The following EYA2 variants were observed in gnomAD, a reference collection of about 807,000 sequenced individuals.
EYA2 encodes the protein protein phosphatase EYA2.
Under a neutral mutation model 69.2 loss-of-function variants are expected in EYA2, and 31 were observed. The ratio of observed to expected loss-of-function variants is 0.45; its 90% CI spans 0.34 to 0.60. EYA2 has a LOEUF of 0.60. Ranked by LOEUF, EYA2 falls within the 20% of genes least tolerant of loss-of-function variation. The pLI is 0.02. For synonymous variants in EYA2, 257 were observed against 279.4 expected (o/e 0.92, Z 0.80); for missense variants, 622 against 701.2 (o/e 0.89, Z 1.28).
intron 1 of EYA2, among the ~76,000 whole-genome samples, chr20:46,903,171 G>A (rs1568659516): frequency 3.3e-5 from 5 of 152,178 alleles, no homozygotes; most frequent in Non-Finnish European, 4.4e-5. Flanking sequence ...CAGCATCTCC[G>A]GTAGGAGGAT....
rs2034367175 is a variant in EYA2 at position 47,173,507 on chromosome 20, C to CA, written c.1198+640_1198+641insA. On this transcript the variant is annotated intron_variant, in intron 12 of 15. Coordinates refer to ENST00000327619, the MANE Select transcript of EYA2 (RefSeq NM_005244.5). Reference sequence around the variant, plus strand: ...CAGCCTGGGCAACAAAGTGAGACCCCGTAAAAAAAAAAAAAAAAAAAAAAA... The same window carrying CA: ...CAGCCTGGGCAACAAAGTGAGACCCCAGTAAAAAAAAAAAAAAAAAAAAAAA... 1.4e-4 allele frequency among the ~76,000 whole-genome samples: 6 copies of CA among 44,362 alleles called. No individual in the cohort carries two copies. In the East Asian group the frequency reaches 1.8e-3, roughly 13 times the overall value. 29.1% of individuals were successfully genotyped at this position (44,362 alleles called of 152,430 possible).
chr20:46,939,061 C>A (rs1419212194), intron 1 of EYA2, among the ~76,000 whole-genome samples: 1 of 152,154 alleles, frequency 6.6e-6, no homozygotes, highest in Non-Finnish European at 1.5e-5. Flanking sequence ...GGGAAACACT[C>A]CTTCCCCACT....
chr20:47,170,765 TACC>T (rs1159892415), intron 11 of EYA2, among the ~76,000 whole-genome samples: 1 of 152,248 alleles, frequency 6.6e-6, no homozygotes, highest in South Asian at 2.1e-4. Flanking sequence ...CATCCAAAAT[TACC>T]ACAATTCAAC....
chr20:47,007,720 A>G (rs536736708), intron 4 of EYA2, among the ~76,000 whole-genome samples: 2 of 151,970 alleles, frequency 1.3e-5, no homozygotes, highest in East Asian at 1.9e-4. Context: ...GGCTCAAGCA[A>G]TCCTCCTCCC....
At chr20:47,034,818 G>A (rs192421027) in intron 5 of EYA2, among the ~76,000 whole-genome samples, 4 of 152,324 alleles carry the variant, frequency 2.6e-5, no homozygotes, top group African/African-American at 2.4e-5. Context: ...AGCTCAGAGG[G>A]AGACTGTCCC....
intron 5 of EYA2, among the ~76,000 whole-genome samples, chr20:47,057,510 A>ACC (rs796462817): frequency 0.012 from 1,101 of 94,726 alleles, 39 homozygotes; most frequent in African/African-American, 0.016. Context: ...TTTTTATATC[A>ACC]CCCCCCCCCC....
At chr20:47,039,897 A>G (rs1469794406) in intron 5 of EYA2, among the ~76,000 whole-genome samples, 3 of 123,816 alleles carry the variant, frequency 2.4e-5, no homozygotes, top group Non-Finnish European at 3.2e-5. Context: ...CTGGAGTGCA[A>G]TGGTGCGATC....
At chr20:47,001,552 C>A in intron 3 of EYA2, 79 bp downstream of exon 3, 1 of 1,439,196 alleles carries the variant, frequency 6.9e-7, no homozygotes, top group Non-Finnish European at 9.8e-7. Flanking sequence ...AGAGAGAGGG[C>A]CCTGGAGCCA....
At chr20:46,991,968 C>CAAA (rs36163121) in intron 2 of EYA2, among the ~76,000 whole-genome samples, 2,782 of 79,202 alleles carry the variant, frequency 0.035, 329 homozygotes, top group East Asian at 0.27. Flanking sequence ...GACTCCGTCT[C>CAAA]AAAAAAAAAA....
At chr20:46,983,156 G>C (rs1231336959) in intron 1 of EYA2, among the ~76,000 whole-genome samples, 1 of 152,100 alleles carries the variant, frequency 6.6e-6, no homozygotes, top group African/African-American at 2.4e-5. Flanking sequence ...TATCACAGTT[G>C]CTAGGGACTC....
At chr20:46,923,138 C>T (rs558089888) in intron 1 of EYA2, among the ~76,000 whole-genome samples, 9 of 152,258 alleles carry the variant, frequency 5.9e-5, no homozygotes, top group Non-Finnish European at 1.2e-4. Flanking sequence ...GAGGCTGAGG[C>T]GGGCGGATCA....
chr20:47,128,701 C>T (rs1213034357), intron 9 of EYA2, among the ~76,000 whole-genome samples: 2 of 152,168 alleles, frequency 1.3e-5, no homozygotes, highest in East Asian at 3.8e-4. Flanking sequence ...CACTTATTGG[C>T]AGCGTGACCT....
At position 46,995,638 on chromosome 20, in the gene EYA2, G is replaced by A. The variant is rs58361435; in HGVS notation, c.109+5519G>A. On this transcript the variant is annotated intron_variant, in intron 2 of 15. Coordinates refer to ENST00000327619, the MANE Select transcript of EYA2 (RefSeq NM_005244.5). ...GCAGAGACCTGCCTGGAGACATCTC[G>A]CTGGCACTACAAATTGTCTCATCTC... Among the ~76,000 whole-genome samples, 508 of 152,320 alleles carry A rather than the reference G, an allele frequency of 3.3e-3. 1 individual carries two copies. Among genetic ancestry groups the A allele is most frequent in the African/African-American group, 0.012 (488 of 41,566 alleles).
chr20:46,980,409 CGG>C (rs1221455949), intron 1 of EYA2, among the ~76,000 whole-genome samples: 1 of 152,094 alleles, frequency 6.6e-6, no homozygotes, highest in Admixed American at 6.5e-5. Context: ...AATAATAAAA[CGG>C]TGTGGTTCGT....
chr20:47,001,890 C>T (rs1271274044), intron 3 of EYA2, among the ~76,000 whole-genome samples: 1 of 150,480 alleles, frequency 6.6e-6, no homozygotes, highest in East Asian at 2.0e-4. Context: ...CTTTCTTTCT[C>T]CTTTCCTCAT....
At chr20:46,991,565 T>C (rs1396887620) in intron 2 of EYA2, among the ~76,000 whole-genome samples, 1 of 152,216 alleles carries the variant, frequency 6.6e-6, no homozygotes, top group Admixed American at 6.5e-5. Flanking sequence ...CACAGCCACA[T>C]CTGGCCCTGA....
intron 5 of EYA2, among the ~76,000 whole-genome samples, chr20:47,061,768 G>A (rs1281141434): frequency 6.6e-6 from 1 of 152,138 alleles, no homozygotes; most frequent in East Asian, 1.9e-4. Context: ...GGCGAGTTTG[G>A]GACTGTTGCA....
chr20:47,054,354 T>C (rs1413826213), intron 5 of EYA2, among the ~76,000 whole-genome samples: 1 of 152,220 alleles, frequency 6.6e-6, no homozygotes, highest in African/African-American at 2.4e-5. Flanking sequence ...GTCTCATTCA[T>C]CGCAGTTTCC....
chr20:46,900,485 G>T (rs1305226928), intron 1 of EYA2, among the ~76,000 whole-genome samples: 1 of 152,186 alleles, frequency 6.6e-6, no homozygotes, highest in African/African-American at 2.4e-5. Context: ...CATACTTTGG[G>T]TTTCATGGTA....
Sources: allele counts gnomAD v4.1 joint callset (sites outside exome capture counted in the v4.1 genomes callset), GRCh38; gene constraint gnomAD v4.1.1; transcripts MANE v1.5; gene names NCBI Gene and HGNC (gene_info 2026-07-23, HGNC 2026-07-21).